Variants in SLC35F1 observed in about 807,000 individuals in gnomAD.
The protein encoded by SLC35F1 is solute carrier family 35 member F1, also known as chromosome 6 open reading frame 169.
In SLC35F1, 14 loss-of-function variants were observed where a neutral mutation model predicts 48.7. The observed-to-expected ratio is 0.29, with a 90% confidence interval of 0.19 to 0.45. SLC35F1 has a LOEUF of 0.45. SLC35F1 is among the 20% of genes least tolerant of loss of function. The probability of loss-of-function intolerance (pLI) is 1.00; values close to 1 mark genes in which losing one functional copy is unlikely to be tolerated. For synonymous variants in SLC35F1, 190 were observed against 202.2 expected (o/e 0.94, Z 0.51); for missense variants, 404 against 500.0 (o/e 0.81, Z 1.83).
chr6:118,086,450 T>A (rs1050409263), intron 1 of SLC35F1, among the ~76,000 whole-genome samples: 2 of 152,232 alleles, frequency 1.3e-5, no homozygotes, highest in Non-Finnish European at 2.9e-5. Flanking sequence ...AGCCATGTGC[T>A]CTCTTTTGTT....
At chr6:118,112,265 A>G (rs1773418585) in intron 1 of SLC35F1, among the ~76,000 whole-genome samples, 1 of 152,046 alleles carries the variant, frequency 6.6e-6, no homozygotes, top group African/African-American at 2.4e-5. Flanking sequence ...AGTAGCTGGG[A>G]TGAGAACAAA....
intron 2 of SLC35F1, among the ~76,000 whole-genome samples, chr6:118,175,069 A>C (rs541279232): frequency 6.6e-6 from 1 of 152,156 alleles, no homozygotes; most frequent in African/African-American, 2.4e-5. Flanking sequence ...ACTTCATCGC[A>C]TTTGTTATGT....
At chr6:118,270,475 C>T (rs1164300962) in intron 4 of SLC35F1, among the ~76,000 whole-genome samples, 1 of 152,200 alleles carries the variant, frequency 6.6e-6, no homozygotes, top group Non-Finnish European at 1.5e-5. Flanking sequence ...GCCTTAGAGA[C>T]TATAGAGTGG....
intron 1 of SLC35F1, among the ~76,000 whole-genome samples, chr6:118,054,220 CT>C (rs1295336743): frequency 6.6e-6 from 1 of 152,098 alleles, no homozygotes; most frequent in Non-Finnish European, 1.5e-5. Flanking sequence ...ATGAGCAAGG[CT>C]TTTTGGGCAG....
intron 1 of SLC35F1, among the ~76,000 whole-genome samples, chr6:118,145,661 A>G (rs1208884811): frequency 6.6e-6 from 1 of 152,176 alleles, no homozygotes; most frequent in African/African-American, 2.4e-5. Flanking sequence ...TTTATTAAAG[A>G]TTGGCTTTGT....
intron 1 of SLC35F1, among the ~76,000 whole-genome samples, chr6:117,957,992 G>T (rs1392153861): frequency 6.6e-6 from 1 of 152,192 alleles, no homozygotes; most frequent in East Asian, 1.9e-4. Context: ...GTTATCATAG[G>T]AGATGACAGC....
intron 1 of SLC35F1, among the ~76,000 whole-genome samples, chr6:118,043,849 T>C (rs182024013): frequency 6.6e-6 from 1 of 152,232 alleles, no homozygotes; most frequent in Non-Finnish European, 1.5e-5. Flanking sequence ...GTAAATAAAT[T>C]GTTTTTCTCT....
intron 1 of SLC35F1, among the ~76,000 whole-genome samples, chr6:118,135,462 G>A (rs919580774): frequency 6.6e-6 from 1 of 152,196 alleles, no homozygotes; most frequent in Non-Finnish European, 1.5e-5. Flanking sequence ...GAGGCTAGAA[G>A]CATGGTGAAA....
At chr6:118,276,734 A>G (rs1775922624) in intron 5 of SLC35F1, among the ~76,000 whole-genome samples, 1 of 152,230 alleles carries the variant, frequency 6.6e-6, no homozygotes, top group Non-Finnish European at 1.5e-5. Flanking sequence ...TCCAAAAAAT[A>G]TGTTCAGAGA....
intron 2 of SLC35F1, among the ~76,000 whole-genome samples, chr6:118,165,434 C>T (rs1341622615): frequency 6.6e-6 from 1 of 152,210 alleles, no homozygotes; most frequent in African/African-American, 2.4e-5. Flanking sequence ...GATCCAGATT[C>T]TGTTTAAGTC....
intron 1 of SLC35F1, among the ~76,000 whole-genome samples, chr6:117,997,137 C>G (rs1210146832): frequency 2.0e-5 from 3 of 151,976 alleles, no homozygotes; most frequent in Non-Finnish European, 4.4e-5. Flanking sequence ...GCAGAAGCCT[C>G]AGCAGCTGAT....
intron 1 of SLC35F1, among the ~76,000 whole-genome samples, chr6:118,006,686 A>G (rs1005039360): frequency 1.3e-5 from 2 of 152,154 alleles, no homozygotes; most frequent in Non-Finnish European, 2.9e-5. Flanking sequence ...AGATCTTTCT[A>G]TTCTTAAAGT....
intron 1 of SLC35F1, among the ~76,000 whole-genome samples, chr6:117,912,925 T>C (rs1346127138): frequency 6.6e-6 from 1 of 152,200 alleles, no homozygotes; most frequent in Non-Finnish European, 1.5e-5. Flanking sequence ...AATCCTTCAG[T>C]GTCTTAGGGG....
At chr6:118,078,736 G>T (rs1469567702) in intron 1 of SLC35F1, among the ~76,000 whole-genome samples, 1 of 152,128 alleles carries the variant, frequency 6.6e-6, no homozygotes, top group Non-Finnish European at 1.5e-5. Flanking sequence ...CCAAGATGGT[G>T]TCAAGGTGCA....
intron 1 of SLC35F1, among the ~76,000 whole-genome samples, chr6:118,136,370 A>G (rs1332772620): frequency 6.6e-6 from 1 of 152,206 alleles, no homozygotes; most frequent in Non-Finnish European, 1.5e-5. Context: ...CACTTCACAT[A>G]GGCTCATTTT....
intron 4 of SLC35F1, among the ~76,000 whole-genome samples, chr6:118,273,785 C>T (rs1775886980): frequency 6.6e-6 from 1 of 152,158 alleles, no homozygotes; most frequent in African/African-American, 2.4e-5. Context: ...GCCTAACTCC[C>T]CATGAACCCA....
intron 1 of SLC35F1, among the ~76,000 whole-genome samples, chr6:118,091,130 A>G (rs1268528486): frequency 6.6e-6 from 1 of 152,236 alleles, no homozygotes; most frequent in African/African-American, 2.4e-5. Flanking sequence ...GATGAAGAAC[A>G]TGTTTGGATG....
At chr6:118,262,634 C>A (rs1262610116) in intron 3 of SLC35F1, among the ~76,000 whole-genome samples, 1 of 152,158 alleles carries the variant, frequency 6.6e-6, no homozygotes, top group Non-Finnish European at 1.5e-5. Context: ...TTGCTTTTCT[C>A]TTAGACCATC....
intron 1 of SLC35F1, among the ~76,000 whole-genome samples, chr6:117,931,613 T>C (rs1776102931): frequency 6.6e-6 from 1 of 152,210 alleles, no homozygotes; most frequent in African/African-American, 2.4e-5. Context: ...TGTTTTGTTT[T>C]GTTTTGTTTT....
Sources: allele counts gnomAD v4.1 joint callset (sites outside exome capture counted in the v4.1 genomes callset), GRCh38; gene constraint gnomAD v4.1.1; transcripts MANE v1.5; gene names NCBI Gene and HGNC (gene_info 2026-07-23, HGNC 2026-07-21).